The following STC1 variants were observed in gnomAD, a reference collection of about 807,000 sequenced individuals.
The protein encoded by STC1 is stanniocalcin-1.
In STC1, 7 loss-of-function variants were observed where a neutral mutation model predicts 22.6. The ratio of observed to expected loss-of-function variants is 0.31; its 90% CI spans 0.18 to 0.58. STC1 has a LOEUF of 0.58. Ranked by LOEUF, STC1 falls within the 20% of genes least tolerant of loss-of-function variation. The pLI is 0.89. For synonymous variants in STC1, 113 were observed against 120.7 expected (o/e 0.94, Z 0.42); for missense variants, 224 against 311.0 (o/e 0.72, Z 2.10).
rs1802542221 is a variant in STC1 at position 23,843,872 on chromosome 8, T to C, written c.*898A>G. 6.6e-6 allele frequency: 1 copy of C among 152,642 alleles called. No individual in the cohort carries two copies. Among genetic ancestry groups the C allele is most frequent in the African/African-American group, 2.4e-5 (1 of 41,460 alleles). The allele number at this position is 152,642 out of a possible 1,614,324, so 9.5% of individuals were successfully genotyped here. A position where few individuals can be genotyped will look rare whatever the true frequency, so the allele number is the denominator to read the frequency against. The stretch of plus-strand genomic sequence containing the variant: ...TATAAAAAAGGCCACAAGGAGCATT[T>C]ATGTGGATATCTGGAAGTGAGATAG... On this transcript the variant is annotated 3_prime_UTR_variant, in exon 4 of 4. Transcript: ENST00000290271.
Position 23,852,249 on chromosome 8 carries a change from T to C in STC1, c.254A>G (p.Asp85Gly). Residue 85 changes from aspartate to glycine, a missense_variant, in exon 2 of 4, where the codon GAC becomes GGC. Physicochemically the swap from Asp to Gly is moderately conservative, Grantham distance 94 (BLOSUM62 -1). Transcript: ENST00000290271. ...KSFLYSAAKF[D>G]TQGKAFVKES... ...GGGTCAAGGTTTTATTACCTGAGTG[T>C]CAAATTTAGCAGCGCTGTACAAGAA... is the stretch of plus-strand genomic sequence containing the variant. 1.2e-6 allele frequency: 2 copies of C among 1,614,120 alleles called. No individual in the cohort carries two copies. Among genetic ancestry groups the C allele is most frequent in the Non-Finnish European group, 1.7e-6 (2 of 1,180,018 alleles).
In STC1 at chr8:23,854,600, G is replaced by A. The variant is rs560159277; in HGVS notation, c.-77C>T. 5 of 1,199,126 alleles carry A rather than the reference G, an allele frequency of 4.2e-6. No individual in the cohort carries two copies. Among genetic ancestry groups the A allele is most frequent in the Non-Finnish European group, 6.2e-6 (5 of 804,742 alleles). The allele number at this position is 1,199,126 out of a possible 1,614,324, so 74.3% of individuals were successfully genotyped here. ...CTTTCCTCTTTCCCTCTCCTGGCTT[G>A]AGTGAAGATGTGGATCTGGATACAC... On this transcript the variant is annotated 5_prime_UTR_variant, in exon 1 of 4. Coordinates refer to ENST00000290271, the MANE Select transcript of STC1 (RefSeq NM_003155.3).
chr8:23,851,313 T>C lies in STC1; in HGVS notation c.473+7A>G, dbSNP rs1802635160. On this transcript the variant is annotated splice_region_variant and intron_variant, in intron 3 of 3. Coordinates refer to ENST00000290271, the MANE Select transcript of STC1 (RefSeq NM_003155.3). ...CCTGATTGTGAAAAAGTAGACTCAG[T>C]TTGTACCTGTTGGAGAAGTGATTGG... The C allele has an allele frequency of 1.2e-6, 2 of 1,613,796 alleles. No homozygotes were observed. The highest frequency in any genetic ancestry group is 1.7e-6 in the Non-Finnish European group (2 of 1,179,966).
In STC1 at chr8:23,844,903, T is replaced by G. The variant is rs768035570; in HGVS notation, c.611A>C (p.Gln204Pro). 6.2e-7 allele frequency: 1 copy of G among 1,614,160 alleles called. No homozygotes were observed. Residue 204 changes from glutamine to proline, a missense_variant, in exon 4 of 4, where the codon CAA (glutamine) becomes CCA (proline). Coordinates refer to ENST00000290271, the MANE Select transcript of STC1 (RefSeq NM_003155.3). ...FHILQTDHCA[Q>P]THPRADFNRR... is the part of the protein sequence containing the mutation. ...GTTGAAGTCAGCTCGTGGGTGTGTTTGGGCACAGTGGTCTGTCTGCAGGAT... is the reference window on the plus strand; with the variant it reads ...GTTGAAGTCAGCTCGTGGGTGTGTTGGGGCACAGTGGTCTGTCTGCAGGAT...
chr8:23,854,599 T>C lies in STC1; in HGVS notation c.-76A>G. 1 of 1,199,038 alleles carries C rather than the reference T, an allele frequency of 8.3e-7. No homozygotes were observed. Among genetic ancestry groups the C allele is most frequent in the Non-Finnish European group, 1.2e-6 (1 of 804,146 alleles). The allele number at this position is 1,199,038 out of a possible 1,614,324, so 74.3% of individuals were successfully genotyped here. A position where few individuals can be genotyped will look rare whatever the true frequency, so the allele number is the denominator to read the frequency against. On this transcript the variant is annotated 5_prime_UTR_variant, in exon 1 of 4. Transcript: ENST00000290271. ...CCTTTCCTCTTTCCCTCTCCTGGCT[T>C]GAGTGAAGATGTGGATCTGGATACA...
chr8:23,849,582 T>C (rs1802612895), intron 3 of STC1, among the ~76,000 whole-genome samples: 1 of 152,234 alleles, frequency 6.6e-6, no homozygotes, highest in African/African-American at 2.4e-5. Context: ...TTGGGACCTC[T>C]AGTCGAGTAG....
chr8:23,851,598 T>A, intron 2 of STC1, 67 bp from the exon 3 acceptor site: 1 of 1,490,768 alleles, frequency 6.7e-7, no homozygotes, highest in Non-Finnish European at 9.2e-7. Context: ...GGCATATACA[T>A]GGAGGAATTT....
At position 23,852,056 on chromosome 8, in the gene STC1, CTGTGTG is replaced by C. The variant is rs111788542; in HGVS notation, c.261+180_261+185del. On this transcript the variant is annotated intron_variant, in intron 2 of 3. Transcript: ENST00000290271. The stretch of plus-strand genomic sequence containing the variant: ...CTATTTCCTGGCCAGATGAGTGCCT[CTGTGTG>C]TGTGTGTGTGTGTGTGTGTGCATGC... Among the ~76,000 whole-genome samples the C allele has an allele frequency of 1.0e-2, 1,473 of 147,428 alleles. 24 individuals are homozygous for C. The highest frequency in any genetic ancestry group is 0.034 in the African/African-American group (1,374 of 40,350).
In STC1 at chr8:23,844,723, C is replaced by T. The variant is rs773898458; in HGVS notation, c.*47G>A. ...CACTCAAAACTGGTGTGTCAACACC[C>T]CTAAAATGATACTAGTTTGGTGAGG... On this transcript the variant is annotated 3_prime_UTR_variant, in exon 4 of 4. Transcript: ENST00000290271. The T allele has an allele frequency of 1.3e-6, 2 of 1,599,332 alleles. No individual in the cohort carries two copies. Among genetic ancestry groups the T allele is most frequent in the South Asian group, 2.2e-5 (2 of 90,090 alleles).
chr8:23,853,463 A>G (rs1802662468), intron 1 of STC1, among the ~76,000 whole-genome samples: 1 of 152,226 alleles, frequency 6.6e-6, no homozygotes, highest in African/African-American at 2.4e-5. Context: ...CTCTATAGCA[A>G]CTAAGTACAA....
Position 23,844,953 on chromosome 8 carries a change from C to A in STC1, c.561G>T (p.Gly187=). 1 of 1,614,110 alleles carries A rather than the reference C, an allele frequency of 6.2e-7. No individual in the cohort carries two copies. The highest frequency in any genetic ancestry group is 8.5e-7 in the Non-Finnish European group (1 of 1,180,020). ...TGTGGAAGAGGCTGGCCATGTTAGG[C>A]CCAATTTTCTCCATCAGGCTGTCTC... ...TIRDSLMEKI[G]PNMASLFHIL... Residue 187 remains glycine (G), a synonymous_variant, in exon 4 of 4, where the codon GGG becomes GGT. Transcript: ENST00000290271.
At chr8:23,851,629 C>G in intron 2 of STC1, 98 bp from the exon 3 acceptor site, 1 of 977,428 alleles carries the variant, frequency 1.0e-6, no homozygotes, top group Non-Finnish European at 1.6e-6. Flanking sequence ...ATCTGGGCAA[C>G]GTATCATGGC....
At chr8:23,846,630 C>G (rs1802576843) in intron 3 of STC1, among the ~76,000 whole-genome samples, 1 of 152,146 alleles carries the variant, frequency 6.6e-6, no homozygotes, top group African/African-American at 2.4e-5. Flanking sequence ...GTGATATGGT[C>G]ACCCTTCTGT....
At position 23,854,768 on chromosome 8, in the gene STC1, T is replaced by C. The variant is rs974651718; in HGVS notation, c.-245A>G. ...CCACCGCCGCTGCTGCTGCTGCTGC[T>C]GCAGTCGCTGCTTCTTGCACCTCTG... On this transcript the variant is annotated 5_prime_UTR_variant, in exon 1 of 4. Transcript: ENST00000290271. 6 of 600,422 alleles carry C rather than the reference T, an allele frequency of 1.0e-5. No individual in the cohort carries two copies. Among genetic ancestry groups the C allele is most frequent in the Admixed American group, 9.2e-5 (4 of 43,312 alleles). 37.2% of individuals were successfully genotyped at this position (600,422 alleles called of 1,614,324 possible).
chr8:23,853,963 C>T (rs890477324), intron 1 of STC1: 1 of 951,994 alleles, frequency 1.1e-6, no homozygotes, highest in Non-Finnish European at 1.3e-6. Flanking sequence ...TGTGTATTCT[C>T]TTAGGTAGAG....
rs3824219 is a variant in STC1 at position 23,845,412 on chromosome 8, A to C, written c.474-372T>G. Among the ~76,000 whole-genome samples the C allele has an allele frequency of 3.0e-3, 462 of 152,240 alleles. 9 individuals carry two copies. Among genetic ancestry groups the C allele is most frequent in the East Asian group, 0.024 (126 of 5,168 alleles). ...TTCAACTCTCATTTTGTAGAGAAGA[A>C]ACTAAGGTGGATGAGGTGAAGCAAA... On this transcript the variant is annotated intron_variant, in intron 3 of 3. Coordinates refer to ENST00000290271, the MANE Select transcript of STC1 (RefSeq NM_003155.3).
intron 3 of STC1, among the ~76,000 whole-genome samples, chr8:23,846,520 A>G (rs1395515815): frequency 6.6e-6 from 1 of 152,226 alleles, no homozygotes; most frequent in Non-Finnish European, 1.5e-5. Flanking sequence ...TTAACTCACC[A>G]AACAGTGCAC....
intron 1 of STC1, among the ~76,000 whole-genome samples, chr8:23,853,268 AT>A (rs1293177120): frequency 3.3e-5 from 5 of 152,208 alleles, no homozygotes; most frequent in Non-Finnish European, 7.3e-5. Context: ...CTCCTCTGAG[AT>A]CAAAAGCATG....
At position 23,845,586 on chromosome 8, in the gene STC1, G is replaced by A. The variant is rs180854022; in HGVS notation, c.474-546C>T. Among the ~76,000 whole-genome samples the A allele has an allele frequency of 7.9e-5, 12 of 152,044 alleles. No individual in the cohort carries two copies. In the East Asian group the frequency reaches 2.3e-3, roughly 29 times the overall value. ...TGTGTGTGTGTGTATGCAGATCTGT[G>A]CATCTTCTGATGAAACTTCTGTCTA... On this transcript the variant is annotated intron_variant, in intron 3 of 3. Transcript: ENST00000290271.
Sources: allele counts gnomAD v4.1 joint callset (sites outside exome capture counted in the v4.1 genomes callset), GRCh38; gene constraint gnomAD v4.1.1; transcripts MANE v1.5; gene names NCBI Gene and HGNC (gene_info 2026-07-23, HGNC 2026-07-21).